ZSWIM7: variants seen among roughly 807,000 people sequenced by gnomAD.
ZSWIM7 encodes zinc finger SWIM domain-containing protein 7.
In ZSWIM7, 22 loss-of-function variants were observed where a neutral mutation model predicts 21.1. That is an observed-to-expected ratio of 1.04 (90% CI 0.74 to 1.49). ZSWIM7 has a LOEUF of 1.49. Ranked by LOEUF, ZSWIM7 falls within the 40% of genes most tolerant of loss-of-function variation. The pLI, the probability that ZSWIM7 is intolerant of heterozygous loss-of-function variation, is 0.00. For synonymous variants in ZSWIM7, 67 were observed against 66.5 expected (o/e 1.01, Z -0.04); for missense variants, 193 against 168.0 (o/e 1.15, Z -0.82).
Position 15,999,680 on chromosome 17 carries a change from C to A in ZSWIM7, c.-86G>T, listed in dbSNP as rs73276077. 45 of 1,557,784 alleles carry A rather than the reference C, an allele frequency of 2.9e-5. No homozygotes were observed. The highest frequency in any genetic ancestry group is 3.8e-5 in the Admixed American group (2 of 52,440). ...CCTACCTGTGGAGGATCCTGACCCC[C>A]CGCCGGGGCAGGGCGAGACGGAGTG... On this transcript the variant is annotated 5_prime_UTR_variant, in exon 1 of 5. Transcript: ENST00000399277.
rs200178597 is a variant in ZSWIM7 at position 15,999,631 on chromosome 17, G to A, written c.-37C>T. On this transcript the variant is annotated 5_prime_UTR_variant, in exon 1 of 5. Coordinates refer to ENST00000399277, the MANE Select transcript of ZSWIM7 (RefSeq NM_001042697.2). Reference sequence around the variant, plus strand: ...ACACGCCCTCCACGACCGGCGGACCGCCGCGACGCTCCAGCTGACTGCGCC... The same window carrying A: ...ACACGCCCTCCACGACCGGCGGACCACCGCGACGCTCCAGCTGACTGCGCC... The A allele has an allele frequency of 6.4e-7, 1 of 1,566,522 alleles. No individual in the cohort carries two copies. Among genetic ancestry groups the A allele is most frequent in the South Asian group, 1.2e-5 (1 of 85,886 alleles).
chr17:15,981,637 G>GTGGCTC (rs1388323579), intron 3 of ZSWIM7, among the ~76,000 whole-genome samples: 4 of 152,174 alleles, frequency 2.6e-5, no homozygotes, highest in Admixed American at 2.0e-4. Flanking sequence ...GCCGGGTGTG[G>GTGGCTC]TGGCTCAAAG....
intron 3 of ZSWIM7, among the ~76,000 whole-genome samples, chr17:15,985,006 A>G (rs1026460210): frequency 6.6e-6 from 1 of 152,138 alleles, no homozygotes; most frequent in Admixed American, 6.6e-5. Context: ...TAAGTGAATC[A>G]AAAAAGTATA....
intron 4 of ZSWIM7, among the ~76,000 whole-genome samples, 187 bp from the exon 5 acceptor site, chr17:15,978,350 C>T (rs1277144738): frequency 6.6e-6 from 1 of 152,162 alleles, no homozygotes; most frequent in African/African-American, 2.4e-5. Flanking sequence ...GTCATCCCAG[C>T]ACTTTGGGAG....
intron 1 of ZSWIM7, among the ~76,000 whole-genome samples, chr17:15,997,713 T>C (rs1367541866): frequency 4.6e-5 from 7 of 152,222 alleles, no homozygotes; most frequent in Admixed American, 2.0e-4. Context: ...ATCAACAGCA[T>C]TGGTTCCTGT....
At chr17:15,988,805 G>C (rs1970446884) in intron 2 of ZSWIM7, among the ~76,000 whole-genome samples, 1 of 152,060 alleles carries the variant, frequency 6.6e-6, no homozygotes, top group Non-Finnish European at 1.5e-5. Context: ...GATCACCAGA[G>C]GTCAGGAGAT....
In ZSWIM7 at chr17:15,981,643, C is replaced by G. The variant is rs955144870; in HGVS notation, c.202-499G>C. Among the ~76,000 whole-genome samples, 8 of 151,990 alleles carry G rather than the reference C, an allele frequency of 5.3e-5. 1 individual carries two copies. The highest frequency in any genetic ancestry group is 4.6e-4 in the Admixed American group (7 of 15,262). ...AAGTCTCAGGCCGGGTGTGGTGGCT[C>G]AAAGCCTGTAATCCCAGCACTTTGG... On this transcript the variant is annotated intron_variant, in intron 3 of 4. Transcript: ENST00000399277.
At chr17:15,980,842 T>C (rs770819494) in intron 4 of ZSWIM7, among the ~76,000 whole-genome samples, 198 bp downstream of exon 4, 5 of 152,192 alleles carry the variant, frequency 3.3e-5, no homozygotes, top group South Asian at 2.1e-4. Context: ...ATTCAGGAAA[T>C]TGATGCAGTT....
At chr17:15,980,061 G>A (rs963263374) in intron 4 of ZSWIM7, among the ~76,000 whole-genome samples, 1 of 149,724 alleles carries the variant, frequency 6.7e-6, no homozygotes, top group Non-Finnish European at 1.5e-5. Context: ...CCTCCCGGAC[G>A]GGGCGGCTGG....
Position 15,979,917 on chromosome 17 carries a change from C to G in ZSWIM7, c.306+1123G>C, listed in dbSNP as rs1167589453. The stretch of plus-strand genomic sequence containing the variant: ...CCTCCCGGACGGGGGGCTGAACCCC[C>G]CACCTCCCTCCCGGACGGGGCGGCT... On this transcript the variant is annotated intron_variant, in intron 4 of 4. Coordinates refer to ENST00000399277, the MANE Select transcript of ZSWIM7 (RefSeq NM_001042697.2). Among the ~76,000 whole-genome samples the G allele has an allele frequency of 2.8e-4, 20 of 71,020 alleles. 1 individual carries two copies. The highest frequency in any genetic ancestry group is 1.7e-3 in the African/African-American group (18 of 10,740). The allele number at this position is 71,020 out of a possible 152,430, so 46.6% of individuals were successfully genotyped here.
At chr17:15,985,479 T>C (rs970603070) in intron 3 of ZSWIM7, among the ~76,000 whole-genome samples, 3 of 152,140 alleles carry the variant, frequency 2.0e-5, no homozygotes, top group Admixed American at 2.0e-4. Context: ...TGACTCAACT[T>C]TTATCATCTC....
intron 1 of ZSWIM7, among the ~76,000 whole-genome samples, chr17:15,996,798 C>G (rs1024401657): frequency 3.3e-5 from 5 of 151,480 alleles, no homozygotes; most frequent in African/African-American, 1.2e-4. Flanking sequence ...GAGCAGTGAC[C>G]TATGATTGTG....
At chr17:15,978,924 T>C (rs1970310728) in intron 4 of ZSWIM7, among the ~76,000 whole-genome samples, 1 of 151,768 alleles carries the variant, frequency 6.6e-6, no homozygotes, top group East Asian at 1.9e-4. Context: ...CACATGCTCA[T>C]CAGAGTCTCT....
At chr17:15,979,608 A>G (rs8066902) in intron 4 of ZSWIM7, among the ~76,000 whole-genome samples, 79,284 of 134,638 alleles carry the variant, frequency 0.59, 23,174 homozygotes, top group African/African-American at 0.68. Flanking sequence ...GCGGCTGGCC[A>G]GGCGGGGGGC....
At chr17:15,982,505 T>C (rs1202042904) in intron 3 of ZSWIM7, among the ~76,000 whole-genome samples, 1 of 152,194 alleles carries the variant, frequency 6.6e-6, no homozygotes, top group Non-Finnish European at 1.5e-5. Flanking sequence ...CCTAGGATTC[T>C]TTAATCTTTC....
At chr17:15,993,595 T>C (rs1298199277) in intron 2 of ZSWIM7, among the ~76,000 whole-genome samples, 162 bp downstream of exon 2, 1 of 151,674 alleles carries the variant, frequency 6.6e-6, no homozygotes, top group Non-Finnish European at 1.5e-5. Flanking sequence ...CTTGATCTCC[T>C]GACTTCATGA....
chr17:15,992,419 GT>G (rs1332548596), intron 2 of ZSWIM7, among the ~76,000 whole-genome samples: 1 of 144,414 alleles, frequency 6.9e-6, no homozygotes, highest in East Asian at 2.0e-4. Flanking sequence ...TCTTTTTCAT[GT>G]GTTAGTTGAA....
intron 1 of ZSWIM7, among the ~76,000 whole-genome samples, chr17:15,995,575 TAAAAAAA>T (rs550832963): frequency 3.0e-5 from 3 of 100,260 alleles, no homozygotes; most frequent in Non-Finnish European, 6.0e-5. Flanking sequence ...CCCTGTCTCT[TAAAAAAA>T]AAAAAAAAAA....
At chr17:15,993,204 C>T (rs1052157385) in intron 2 of ZSWIM7, among the ~76,000 whole-genome samples, 3 of 151,494 alleles carry the variant, frequency 2.0e-5, no homozygotes, top group Admixed American at 6.6e-5. Context: ...AAATTATTTT[C>T]GTAGAGATGG....
Sources: allele counts gnomAD v4.1 joint callset (sites outside exome capture counted in the v4.1 genomes callset), GRCh38; gene constraint gnomAD v4.1.1; transcripts MANE v1.5; gene names NCBI Gene and HGNC (gene_info 2026-07-23, HGNC 2026-07-21).